The following VAC14 variants were observed in gnomAD, a reference collection of about 807,000 sequenced individuals.
The protein encoded by VAC14 is protein VAC14 homolog.
Under a neutral mutation model 85.3 loss-of-function variants are expected in VAC14, and 47 were observed. The ratio of observed to expected loss-of-function variants is 0.55; its 90% confidence interval spans 0.44 to 0.70. The LOEUF (loss-of-function observed/expected upper bound fraction) is 0.70, where lower values mean the gene tolerates loss of function less well. Ranked by LOEUF, VAC14 falls within the 30% of genes least tolerant of loss-of-function variation. The pLI is 0.00. For missense variants in VAC14, 861 were observed against 1,004.3 expected, an observed-to-expected ratio of 0.86 and a Z score of 1.93; for synonymous variants, 447 against 430.5, an observed-to-expected ratio of 1.04 and a Z score of -0.47.
intron 9 of VAC14, 34 bp from the exon 10 acceptor site, chr16:70,772,206 G>A (rs750319959): frequency 6.3e-6 from 10 of 1,587,522 alleles, no homozygotes; most frequent in African/African-American, 5.4e-5. Context: ...GGTCATGAAA[G>A]GCTGTTGGCT....
intron 10 of VAC14, chr16:70,766,502 G>A (rs1324829437): frequency 6.6e-6 from 3 of 456,768 alleles, no homozygotes; most frequent in South Asian, 1.5e-5. Flanking sequence ...CTACTGAGGC[G>A]GTCCTGCCGC....
chr16:70,702,345 G>C (rs2053845383), intron 14 of VAC14, among the ~76,000 whole-genome samples: 1 of 152,196 alleles, frequency 6.6e-6, no homozygotes, highest in Non-Finnish European at 1.5e-5. Flanking sequence ...GTCTCCCTCT[G>C]AGTGAGGTGT....
At chr16:70,772,986 T>C (rs185480291) in intron 9 of VAC14, 2 of 152,336 alleles carry the variant, frequency 1.3e-5, no homozygotes, top group African/African-American at 2.4e-5. Flanking sequence ...AAAGACTACA[T>C]ATTGTATCCC....
chr16:70,688,437 G>T lies in VAC14; in HGVS notation c.2187-347C>A. The T allele has an allele frequency of 3.0e-6, 3 of 1,005,188 alleles. No individual in the cohort carries two copies. In the South Asian group the frequency reaches 1.4e-4, roughly 47 times the overall value. 62.3% of individuals were successfully genotyped at this position (1,005,188 alleles called of 1,614,324 possible). ...GCCAGGGCTAGCAGCCAGCCAGGAA[G>T]CCAGCTGGGGCCTGGAACAGGGTCT... is the stretch of plus-strand genomic sequence containing the variant. On this transcript the variant is annotated intron_variant, in intron 18 of 18. Coordinates refer to ENST00000261776, the MANE Select transcript of VAC14 (RefSeq NM_018052.5).
rs375339607 is a variant in VAC14, at chr16:70,688,049, G to T, written c.2228C>A (p.Ser743Tyr). The change falls in exon 19 of 19, where the codon TCC becomes TAC. Residue 743 changes from serine to tyrosine, a missense_variant. Coordinates refer to ENST00000261776, the MANE Select transcript of VAC14 (RefSeq NM_018052.5). ...KAAPKSQKAD[S>Y]PSIDYAELLQ... ...CAGCTCTGCGTAGTCGATGCTAGGG[G>T]AGTCAGCTTTCTGGGACTTGGGGGC... The T allele has an allele frequency of 6.3e-6, 10 of 1,598,578 alleles. No individual in the cohort carries two copies. In the African/African-American group the frequency reaches 6.7e-5, roughly 11 times the overall value.
At chr16:70,725,663 A>G (rs1250479007) in intron 14 of VAC14, among the ~76,000 whole-genome samples, 1 of 152,192 alleles carries the variant, frequency 6.6e-6, no homozygotes, top group Non-Finnish European at 1.5e-5. Flanking sequence ...GCCTGTCTGT[A>G]GCAGAGGTGA....
At chr16:70,748,403 A>T (rs2031092017) in intron 12 of VAC14, among the ~76,000 whole-genome samples, 1 of 152,196 alleles carries the variant, frequency 6.6e-6, no homozygotes, top group Non-Finnish European at 1.5e-5. Context: ...GGACCCAGTG[A>T]TGATGCCTGG....
chr16:70,697,334 A>T, intron 15 of VAC14, 77 bp from the exon 16 acceptor site: 1 of 1,243,630 alleles, frequency 8.0e-7, no homozygotes, highest in South Asian at 1.3e-5. Context: ...GACCTGAGGG[A>T]AGGGCCACAG....
intron 14 of VAC14, among the ~76,000 whole-genome samples, chr16:70,703,306 T>C (rs1356867247): frequency 1.3e-5 from 2 of 152,186 alleles, no homozygotes; most frequent in African/African-American, 4.8e-5. Flanking sequence ...TGGAATGTGC[T>C]TGGAAACAAG....
chr16:70,739,313 G>A (rs1341957094), intron 13 of VAC14, among the ~76,000 whole-genome samples: 1 of 152,202 alleles, frequency 6.6e-6, no homozygotes, highest in Admixed American at 6.5e-5. Flanking sequence ...TGGGAGGAAG[G>A]GGCTTCAAGA....
At position 70,762,528 on chromosome 16, in the gene VAC14, T is replaced by G; in HGVS notation, c.1371+12A>C. The stretch of plus-strand genomic sequence containing the variant: ...CGATGTTCCATAAGTACGGGTGGCG[T>G]TGGTGACCTACCTCATCCGATTCAT... On this transcript the variant is annotated intron_variant, in intron 12 of 18. Transcript: ENST00000261776. This position sits in a 1 kb window ranked among gnomAD's most constrained non-coding sequence, Gnocchi z 4.1. 1 of 1,613,868 alleles carries G rather than the reference T, an allele frequency of 6.2e-7. No homozygotes were observed. The highest frequency in any genetic ancestry group is 8.5e-7 in the Non-Finnish European group (1 of 1,179,812).
At chr16:70,688,373 A>G (rs1467973570) in intron 18 of VAC14, 37 of 1,098,128 alleles carry the variant, frequency 3.4e-5, no homozygotes, top group Non-Finnish European at 3.9e-5. Flanking sequence ...CGCATTGGGA[A>G]GCATTTCCTG....
At chr16:70,692,150 TA>T in intron 18 of VAC14, 9 of 955,264 alleles carry the variant, frequency 9.4e-6, no homozygotes, top group Non-Finnish European at 1.1e-5. Context: ...GGCTCTGGGG[TA>T]GGGGCCAGCC....
chr16:70,753,596 C>T (rs866239937), intron 12 of VAC14, among the ~76,000 whole-genome samples: 38 of 144,918 alleles, frequency 2.6e-4, no homozygotes, highest in Middle Eastern at 6.9e-3. Flanking sequence ...CAAGATCTCA[C>T]GCTGGTCTGT....
intron 14 of VAC14, among the ~76,000 whole-genome samples, chr16:70,712,365 C>T (rs551191335): frequency 7.9e-5 from 12 of 152,272 alleles, no homozygotes; most frequent in Non-Finnish European, 1.2e-4. Flanking sequence ...ACCAGGATCA[C>T]GCCACTGCCC....
rs376442096 is a variant in VAC14 at position 70,731,488 on chromosome 16, G to A, written c.1661+7C>T. The A allele has an allele frequency of 9.2e-5, 149 of 1,613,544 alleles. No individual in the cohort carries two copies. Among genetic ancestry groups the A allele is most frequent in the Non-Finnish European group, 1.2e-4 (142 of 1,179,698 alleles). On this transcript the variant is annotated splice_region_variant and intron_variant, in intron 14 of 18. Coordinates refer to ENST00000261776, the MANE Select transcript of VAC14 (RefSeq NM_018052.5). ...GGAAGAGGAGAAAGCGCGCCGCCAA[G>A]GCTGACCTGATGATGAAAGGGCCTC...
intron 8 of VAC14, 34 bp from the exon 9 acceptor site, chr16:70,780,973 T>C (rs561573814): frequency 6.2e-7 from 1 of 1,612,372 alleles, no homozygotes; most frequent in East Asian, 2.2e-5. Context: ...GTGATCTGAT[T>C]TGGATGCCTG....
Position 70,687,897 on chromosome 16 carries a change from A to T in VAC14, c.*31T>A. 6.8e-7 allele frequency: 1 copy of T among 1,467,700 alleles called. No homozygotes were observed. The highest frequency in any genetic ancestry group is 9.1e-7 in the Non-Finnish European group (1 of 1,100,444). The allele number at this position is 1,467,700 out of a possible 1,614,324, so 90.9% of individuals were successfully genotyped here. A position where few individuals can be genotyped will look rare whatever the true frequency, so the allele number is the denominator to read the frequency against. On this transcript the variant is annotated 3_prime_UTR_variant, in exon 19 of 19. Coordinates refer to ENST00000261776, the MANE Select transcript of VAC14 (RefSeq NM_018052.5). ...ACGACCCTTAGTGTTTCATGGGACC[A>T]CTCGGTGGGCCCTCCTCCGTGCCAG...
In VAC14 at chr16:70,762,252, C is replaced by T. The variant is rs1232104202; in HGVS notation, c.1371+288G>A. Among the ~76,000 whole-genome samples, 1 of 152,128 alleles carries T rather than the reference C, an allele frequency of 6.6e-6. No individual in the cohort carries two copies. The highest frequency in any genetic ancestry group is 1.5e-5 in the Non-Finnish European group (1 of 68,012). On this transcript the variant is annotated intron_variant, in intron 12 of 18. Transcript: ENST00000261776. This position sits in a 1 kb window ranked among gnomAD's most constrained non-coding sequence, Gnocchi z 4.1. ...CCTCCTGAGCAGCTGGGAGTACAGG[C>T]GTGCACCACCACGCCCGGCTAATTT... is the stretch of plus-strand genomic sequence containing the variant.
Sources: gnomAD v4.1 joint callset for allele counts (sites outside exome capture counted in the v4.1 genomes callset) on GRCh38, gnomAD v4.1.1 for gene constraint, Gnocchi (gnomAD v3.1) non-coding constraint, MANE v1.5 for transcripts, NCBI Gene and HGNC (gene_info 2026-07-23, HGNC 2026-07-21) for gene names.